Variants in RAD54L2 observed in about 807,000 individuals in gnomAD.
RAD54L2 encodes helicase ARIP4.
Under a neutral mutation model 138.4 loss-of-function variants are expected in RAD54L2, and 27 were observed. The observed-to-expected ratio is 0.20, with a 90% CI of 0.14 to 0.27. The LOEUF is 0.27. RAD54L2 is among the 10% of genes least tolerant of loss of function. RAD54L2 has a pLI of 1.00. For synonymous variants in RAD54L2, 644 were observed against 723.2 expected (o/e 0.89, Z 1.76); for missense variants, 1,396 against 1,890.2 (o/e 0.74, Z 4.85).
chr3:51,597,302 G>A (rs1699985292), intron 3 of RAD54L2, among the ~76,000 whole-genome samples: 2 of 151,512 alleles, frequency 1.3e-5, no homozygotes, highest in African/African-American at 4.9e-5. Flanking sequence ...GCTTGCCAAA[G>A]AGTTTTATTT....
At chr3:51,658,641 T>C (rs1701670859) in intron 21 of RAD54L2, among the ~76,000 whole-genome samples, 2 of 152,182 alleles carry the variant, frequency 1.3e-5, no homozygotes, top group Non-Finnish European at 2.9e-5. Context: ...TGAGACTTTT[T>C]GTTCAGTAAG....
intron 3 of RAD54L2, among the ~76,000 whole-genome samples, chr3:51,621,626 T>C (rs1373737602): frequency 6.6e-6 from 1 of 152,242 alleles, no homozygotes; most frequent in Non-Finnish European, 1.5e-5. Context: ...TCAAACCCTC[T>C]GGACTTGCCC....
At chr3:51,648,024 G>A (rs1353291613) in intron 19 of RAD54L2, among the ~76,000 whole-genome samples, 2 of 152,164 alleles carry the variant, frequency 1.3e-5, no homozygotes, top group East Asian at 3.8e-4. Context: ...AAGGGGTCTG[G>A]GGATTTTCCT....
At chr3:51,561,565 TC>T (rs1444405442) in intron 2 of RAD54L2, among the ~76,000 whole-genome samples, 1 of 151,422 alleles carries the variant, frequency 6.6e-6, no homozygotes, top group Non-Finnish European at 1.5e-5. Flanking sequence ...TTTATCTTTT[TC>T]TTTTTTTTTT....
chr3:51,641,518 T>C (rs1310818517), intron 14 of RAD54L2, among the ~76,000 whole-genome samples: 2 of 152,022 alleles, frequency 1.3e-5, no homozygotes, highest in Non-Finnish European at 2.9e-5. Flanking sequence ...GGTTTTGCCA[T>C]GTTGGCTAGG....
chr3:51,608,546 T>G (rs1360678382), intron 3 of RAD54L2, among the ~76,000 whole-genome samples: 4 of 152,182 alleles, frequency 2.6e-5, no homozygotes, highest in African/African-American at 9.6e-5. Flanking sequence ...CGTTGAGCAC[T>G]GAGTGAGCGA....
intron 2 of RAD54L2, among the ~76,000 whole-genome samples, chr3:51,556,766 G>T (rs1270305486): frequency 6.6e-6 from 1 of 152,014 alleles, no homozygotes; most frequent in Non-Finnish European, 1.5e-5. Context: ...AGTATAGACG[G>T]GGTTTCTCCA....
At chr3:51,558,459 T>TTCTCTCTC (rs71633077) in intron 2 of RAD54L2, among the ~76,000 whole-genome samples, 5,290 of 149,854 alleles carry the variant, frequency 0.035, 649 homozygotes, top group East Asian at 0.33. Flanking sequence ...GAAGGTCCAC[T>TTCTCTCTC]TCTCTCTCTC....
chr3:51,633,705 C>G lies in RAD54L2; in HGVS notation c.954C>G (p.Phe318Leu). The G allele has an allele frequency of 1.2e-6, 2 of 1,613,984 alleles. No individual in the cohort carries two copies. Among genetic ancestry groups the G allele is most frequent in the Non-Finnish European group, 1.7e-6 (2 of 1,179,876 alleles). Residue 318 changes from phenylalanine to leucine, a missense_variant, in exon 8 of 23, where the codon TTC (phenylalanine) becomes TTG (leucine). Physicochemically the swap from Phe to Leu is conservative, Grantham distance 22. Coordinates refer to ENST00000684192, the MANE Select transcript of RAD54L2 (RefSeq NM_015106.4). ...GLGKTLQVISFIDVLFRHTPA... is the reference protein window; with the variant it reads ...GLGKTLQVISLIDVLFRHTPA... ...GGAAAACTTTGCAAGTGATCTCTTT[C>G]ATCGACGTCCTCTTCCGCCACACGC...
At chr3:51,635,166 G>C (rs1481791896) in intron 9 of RAD54L2, among the ~76,000 whole-genome samples, 2 of 152,140 alleles carry the variant, frequency 1.3e-5, no homozygotes, top group East Asian at 1.9e-4. Flanking sequence ...TTTACTGTTT[G>C]TGGCTCTTTA....
intron 3 of RAD54L2, among the ~76,000 whole-genome samples, chr3:51,618,179 T>C (rs1333696496): frequency 1.3e-5 from 2 of 150,878 alleles, no homozygotes; most frequent in Non-Finnish European, 3.0e-5. Context: ...TTTCACCATG[T>C]TAGTAGCCAG....
chr3:51,584,829 C>T (rs535479047), intron 2 of RAD54L2, among the ~76,000 whole-genome samples: 5 of 151,302 alleles, frequency 3.3e-5, no homozygotes, highest in Middle Eastern at 3.4e-3. Context: ...ATTTATTTTT[C>T]GAGACTGGCT....
At chr3:51,622,971 G>T (rs1303043935) in intron 3 of RAD54L2, among the ~76,000 whole-genome samples, 1 of 152,232 alleles carries the variant, frequency 6.6e-6, no homozygotes, top group East Asian at 1.9e-4. Context: ...GCTGGATTTG[G>T]TGTTTTTTCC....
At position 51,645,629 on chromosome 3, in the gene RAD54L2, A is replaced by G; in HGVS notation, c.2695A>G (p.Thr899Ala). ...TGATCTAAATCCAATGCTGAACTTCACACGGAAAGAGGTGGAAAACCTACT... is the reference window on the plus strand; with the variant it reads ...TGATCTAAATCCAATGCTGAACTTCGCACGGAAAGAGGTGGAAAACCTACT... ...VDDLNPMLNF[T>A]RKEVENLLHF... Residue 899 changes from threonine (T) to alanine (A), a missense_variant, in exon 18 of 23, where the codon ACA (threonine) becomes GCA (alanine). Coordinates refer to ENST00000684192, the MANE Select transcript of RAD54L2 (RefSeq NM_015106.4). This position sits in a 1 kb window ranked among gnomAD's most constrained non-coding sequence, Gnocchi z 6.1. 6.2e-7 allele frequency: 1 copy of G among 1,612,600 alleles called. No individual in the cohort carries two copies. The highest frequency in any genetic ancestry group is 8.5e-7 in the Non-Finnish European group (1 of 1,179,386).
At chr3:51,549,070 G>A (rs575648115) in intron 2 of RAD54L2, among the ~76,000 whole-genome samples, 2 of 152,190 alleles carry the variant, frequency 1.3e-5, no homozygotes, top group South Asian at 4.1e-4. Flanking sequence ...TTGGCTCACT[G>A]CAATCTCTGC....
chr3:51,655,573 C>T (rs1443050217), intron 19 of RAD54L2, among the ~76,000 whole-genome samples: 3 of 152,142 alleles, frequency 2.0e-5, no homozygotes, highest in Middle Eastern at 3.2e-3. Flanking sequence ...GAAAATTCTG[C>T]CCATCTCAAC....
chr3:51,666,786 T>G lies in RAD54L2; in HGVS notation c.*3366T>G, dbSNP rs1559663330. ...CTGATTTAAGGATAATTCTGTCTGG[T>G]CCTTGGAGCTCTCTTCCCTAGGAAT... is the stretch of plus-strand genomic sequence containing the variant. On this transcript the variant is annotated 3_prime_UTR_variant, in exon 23 of 23. Coordinates refer to ENST00000684192, the MANE Select transcript of RAD54L2 (RefSeq NM_015106.4). The G allele has an allele frequency of 6.6e-6, 1 of 152,214 alleles. No homozygotes were observed. The highest frequency in any genetic ancestry group is 1.5e-5 in the Non-Finnish European group (1 of 68,040). 9.4% of individuals were successfully genotyped at this position (152,214 alleles called of 1,614,324 possible).
chr3:51,620,699 A>T (rs916397501), intron 3 of RAD54L2, among the ~76,000 whole-genome samples: 1 of 152,122 alleles, frequency 6.6e-6, no homozygotes, highest in Non-Finnish European at 1.5e-5. Context: ...TTTGGTGTTT[A>T]TATAACTCTT....
At chr3:51,640,176 A>G (rs1338117453) in intron 14 of RAD54L2, among the ~76,000 whole-genome samples, 177 bp downstream of exon 14, 1 of 152,212 alleles carries the variant, frequency 6.6e-6, no homozygotes, top group Non-Finnish European at 1.5e-5. Flanking sequence ...TCCACAGAGA[A>G]CAATTTAGAA....
Sources: gnomAD v4.1 joint callset for allele counts (sites outside exome capture counted in the v4.1 genomes callset) on GRCh38, gnomAD v4.1.1 for gene constraint, Gnocchi (gnomAD v3.1) non-coding constraint, MANE v1.5 for transcripts, NCBI Gene and HGNC (gene_info 2026-07-23, HGNC 2026-07-21) for gene names.